The following PDS5A variants were observed in gnomAD, a reference collection of about 807,000 sequenced individuals.
PDS5A encodes the protein PDS5 cohesin associated factor A.
In PDS5A, 42 loss-of-function variants were observed where a neutral mutation model predicts 167.1. The ratio of observed to expected loss-of-function variants is 0.25; its 90% CI spans 0.20 to 0.33. The LOEUF (loss-of-function observed/expected upper bound fraction) is 0.33, where lower values mean the gene tolerates loss of function less well. Among genes scored for constraint, PDS5A ranks in the 10% least tolerant of loss-of-function variants. The pLI is 1.00. For synonymous variants in PDS5A, 553 were observed against 554.6 expected (o/e 1.00, Z 0.04); for missense variants, 1,033 against 1,605.9 (o/e 0.64, Z 6.10).
intron 2 of PDS5A, among the ~76,000 whole-genome samples, chr4:39,965,464 A>T (rs917032183): frequency 3.9e-5 from 6 of 152,222 alleles, no homozygotes; most frequent in Non-Finnish European, 7.3e-5. Flanking sequence ...TGAGACAATA[A>T]GAAAAGTTGC....
chr4:39,971,435 C>G (rs955537025), intron 2 of PDS5A, among the ~76,000 whole-genome samples: 1 of 151,798 alleles, frequency 6.6e-6, no homozygotes, highest in African/African-American at 2.4e-5. Flanking sequence ...AGATTACAGG[C>G]GTGAGCCACC....
At chr4:39,941,887 ACTGC>A (rs1236449320) in intron 2 of PDS5A, among the ~76,000 whole-genome samples, 2 of 152,186 alleles carry the variant, frequency 1.3e-5, no homozygotes, top group African/African-American at 2.4e-5. Context: ...TGACTGCACA[ACTGC>A]TGCTCCATCC....
At chr4:39,891,800 A>C (rs911483399) in intron 16 of PDS5A, among the ~76,000 whole-genome samples, 1 of 152,150 alleles carries the variant, frequency 6.6e-6, no homozygotes, top group Non-Finnish European at 1.5e-5. Context: ...AGGCTGATAG[A>C]TAACCCCAAT....
intron 1 of PDS5A, among the ~76,000 whole-genome samples, chr4:39,976,846 C>A (rs1441829933): frequency 6.6e-6 from 1 of 152,106 alleles, no homozygotes; most frequent in Non-Finnish European, 1.5e-5. Context: ...CCGTGGCCGC[C>A]GAACAGCGCC....
chr4:39,913,747 G>T lies in PDS5A; in HGVS notation c.877-21C>A. ...TTGCTCTAAGAAGGGAAAACAGAAA[G>T]TGAAGCCTAAGCTTTATTCACCAGA... On this transcript the variant is annotated intron_variant, in intron 8 of 32. Transcript: ENST00000303538. 4 of 1,233,748 alleles carry T rather than the reference G, an allele frequency of 3.2e-6. No individual in the cohort carries two copies. The South Asian group carries it at 3.6e-5, about 11-fold the overall frequency. The allele number at this position is 1,233,748 out of a possible 1,614,324, so 76.4% of individuals were successfully genotyped here.
rs777040570 is a variant in PDS5A at position 39,898,512 on chromosome 4, G to A, written c.1647C>T (p.Pro549=). The A allele has an allele frequency of 4.4e-6, 7 of 1,582,220 alleles. No homozygotes were observed. The highest frequency in any genetic ancestry group is 3.3e-4 in the Middle Eastern group (2 of 5,974). ...TCTTCACAAAATCTTGTGCTTTCCC[G>A]GGGTCAGGCAAATTCTCTATAAAAT... ...LMTIAKNLPD[P]GKAQDFVKKF... is the part of the protein sequence containing the mutation. The change falls in exon 16 of 33, where the codon CCC becomes CCT. Residue 549 remains proline (P), a synonymous_variant. Coordinates refer to ENST00000303538, the MANE Select transcript of PDS5A (RefSeq NM_001100399.2).
At chr4:39,974,687 G>C (rs1730905914) in intron 2 of PDS5A, among the ~76,000 whole-genome samples, 1 of 152,080 alleles carries the variant, frequency 6.6e-6, no homozygotes, top group South Asian at 2.1e-4. Context: ...AGGATTACAG[G>C]TATGCGCCAC....
chr4:39,949,237 G>C (rs1728086073), intron 2 of PDS5A, among the ~76,000 whole-genome samples: 1 of 146,714 alleles, frequency 6.8e-6, no homozygotes, highest in Non-Finnish European at 1.5e-5. Flanking sequence ...GGGAGGTCGA[G>C]GCTTCAGTGA....
At chr4:39,857,284 G>A (rs560608364) in intron 26 of PDS5A, among the ~76,000 whole-genome samples, 41 of 151,280 alleles carry the variant, frequency 2.7e-4, no homozygotes, top group African/African-American at 9.2e-4. Context: ...CCCGGGAGGC[G>A]GAGCTTGCAG....
At chr4:39,867,592 C>T (rs1447037305) in intron 22 of PDS5A, among the ~76,000 whole-genome samples, 5 of 151,378 alleles carry the variant, frequency 3.3e-5, no homozygotes, top group African/African-American at 9.7e-5. Flanking sequence ...TGGTGGCACA[C>T]GCCTGTAGTC....
At chr4:39,886,175 T>C (rs140926116) in intron 17 of PDS5A, among the ~76,000 whole-genome samples, 6 of 152,268 alleles carry the variant, frequency 3.9e-5, no homozygotes, top group African/African-American at 1.4e-4. Flanking sequence ...TTCCTTTAGA[T>C]GTGTCTAGTT....
chr4:39,887,804 T>G (rs1721606192), intron 17 of PDS5A, among the ~76,000 whole-genome samples: 1 of 151,754 alleles, frequency 6.6e-6, no homozygotes, highest in African/African-American at 2.4e-5. Context: ...AATGAGAAAA[T>G]ATTTGCAAAT....
intron 2 of PDS5A, among the ~76,000 whole-genome samples, chr4:39,959,910 G>C (rs916120137): frequency 6.6e-6 from 1 of 151,972 alleles, no homozygotes; most frequent in East Asian, 1.9e-4. Context: ...CCAACACAGT[G>C]AAACCCCGCC....
At chr4:39,950,312 A>G (rs1358273533) in intron 2 of PDS5A, among the ~76,000 whole-genome samples, 1 of 152,084 alleles carries the variant, frequency 6.6e-6, no homozygotes, top group African/African-American at 2.4e-5. Context: ...CTATAATCCC[A>G]GCTACTTAGA....
chr4:39,941,659 G>A (rs977110725), intron 2 of PDS5A, among the ~76,000 whole-genome samples: 3 of 152,156 alleles, frequency 2.0e-5, no homozygotes, highest in Non-Finnish European at 4.4e-5. Flanking sequence ...TAGCACATTA[G>A]AGCAACTTTT....
Position 39,922,745 on chromosome 4 carries a change from A to C in PDS5A, c.531T>G (p.Asn177Lys). ...LFRTLFSVINNSHNKKVQMHM... is the reference protein window; with the variant it reads ...LFRTLFSVINKSHNKKVQMHM... ...GCATTTGTACCTTCTTATTGTGGCTATTGCTATAAAAAAAAAAAAAAAAGA... is the reference window on the plus strand; with the variant it reads ...GCATTTGTACCTTCTTATTGTGGCTCTTGCTATAAAAAAAAAAAAAAAAGA... Residue 177 changes from asparagine to lysine, a missense_variant, in exon 6 of 33, where the codon AAT (asparagine) becomes AAG (lysine). This residue lies in a region of PDS5A where 388 missense variants were observed against 615.1 expected (regional missense o/e 0.63). Coordinates refer to ENST00000303538, the MANE Select transcript of PDS5A (RefSeq NM_001100399.2). 1 of 1,378,988 alleles carries C rather than the reference A, an allele frequency of 7.3e-7. No homozygotes were observed. Among genetic ancestry groups the C allele is most frequent in the South Asian group, 1.7e-5 (1 of 59,402 alleles). The allele number at this position is 1,378,988 out of a possible 1,614,324, so 85.4% of individuals were successfully genotyped here.
chr4:39,928,193 A>G, intron 2 of PDS5A, 29 bp from the exon 3 acceptor site: 1 of 1,426,240 alleles, frequency 7.0e-7, no homozygotes, highest in East Asian at 2.3e-5. Flanking sequence ...ACACAAAATA[A>G]TTAACTCCTG....
chr4:39,955,871 T>C (rs1320161063), intron 2 of PDS5A, among the ~76,000 whole-genome samples: 1 of 152,000 alleles, frequency 6.6e-6, no homozygotes, highest in Non-Finnish European at 1.5e-5. Flanking sequence ...TCACAGCACT[T>C]TGGGGGGCCA....
chr4:39,973,539 C>G, intron 2 of PDS5A: 1 of 1,319,624 alleles, frequency 7.6e-7, no homozygotes, highest in Non-Finnish European at 1.1e-6. Context: ...TTGGTACAAT[C>G]ACTAGTGCAA....
Sources: allele counts gnomAD v4.1 joint callset (sites outside exome capture counted in the v4.1 genomes callset), GRCh38; gene constraint gnomAD v4.1.1; regional missense constraint gnomAD v4.1.1; transcripts MANE v1.5; gene names NCBI Gene and HGNC (gene_info 2026-07-23, HGNC 2026-07-21).